The following CRADD variants were observed in gnomAD, a reference collection of about 807,000 sequenced individuals.
CRADD encodes the protein CARD and death domain containing adaptor protein, also known as death domain-containing protein CRADD.
In CRADD, 9 loss-of-function variants were observed where a neutral mutation model predicts 15.5. The ratio of observed to expected loss-of-function variants is 0.58; its 90% CI spans 0.35 to 1.01. CRADD has a LOEUF of 1.01. CRADD is among the 50% of genes least tolerant of loss of function. CRADD has a pLI of 0.02. For missense variants in CRADD, 227 were observed against 250.3 expected (o/e 0.91, Z 0.63); for synonymous variants, 118 against 107.6 (o/e 1.10, Z -0.60).
intron 2 of CRADD, chr12:93,893,910 A>G: frequency 1.6e-6 from 1 of 624,248 alleles, no homozygotes; most frequent in South Asian, 1.9e-5. Context: ...AAAAAAGAAA[A>G]AAAAAAAAAT....
chr12:93,722,417 G>C (rs1166279302), intron 2 of CRADD, among the ~76,000 whole-genome samples: 1 of 151,682 alleles, frequency 6.6e-6, no homozygotes, highest in Non-Finnish European at 1.5e-5. Flanking sequence ...AGCCTATATT[G>C]TTTCGTATAT....
intron 2 of CRADD, among the ~76,000 whole-genome samples, chr12:93,801,313 A>G (rs895785359): frequency 3.9e-5 from 6 of 152,214 alleles, no homozygotes; most frequent in Non-Finnish European, 8.8e-5. Flanking sequence ...TTCTGCATTT[A>G]TTAGCTGGTA....
chr12:93,706,104 TG>T (rs1252510112), intron 2 of CRADD, among the ~76,000 whole-genome samples: 1 of 152,256 alleles, frequency 6.6e-6, no homozygotes, highest in Non-Finnish European at 1.5e-5. Flanking sequence ...GTTGACATTT[TG>T]GTTTCTTTTG....
At chr12:93,696,423 A>G (rs1955708527) in intron 2 of CRADD, among the ~76,000 whole-genome samples, 1 of 152,264 alleles carries the variant, frequency 6.6e-6, no homozygotes, top group Non-Finnish European at 1.5e-5. Context: ...AAATACCGTC[A>G]TTTGTGACAA....
intron 2 of CRADD, chr12:93,738,255 GA>G: frequency 1.6e-6 from 1 of 640,296 alleles, no homozygotes; most frequent in Non-Finnish European, 2.8e-6. Flanking sequence ...CTGGAGAAGA[GA>G]AGGGCCAAAA....
chr12:93,798,984 G>A (rs915357042), intron 2 of CRADD, among the ~76,000 whole-genome samples: 2 of 152,080 alleles, frequency 1.3e-5, no homozygotes, highest in African/African-American at 2.4e-5. Flanking sequence ...GTGGAAGAGG[G>A]AGGGACTCCC....
chr12:93,709,672 G>A (rs1398500881), intron 2 of CRADD, among the ~76,000 whole-genome samples: 2 of 152,134 alleles, frequency 1.3e-5, no homozygotes, highest in African/African-American at 2.4e-5. Flanking sequence ...ATTGATGGGC[G>A]TTTAAGTTGA....
chr12:93,836,280 T>A (rs1957972228), intron 2 of CRADD: 1 of 152,220 alleles, frequency 6.6e-6, no homozygotes, highest in East Asian at 1.9e-4. Flanking sequence ...GGTGAATAAT[T>A]GATAGAGCTT....
At chr12:93,771,238 CA>C (rs1487613236) in intron 2 of CRADD, among the ~76,000 whole-genome samples, 1 of 152,210 alleles carries the variant, frequency 6.6e-6, no homozygotes, top group Non-Finnish European at 1.5e-5. Flanking sequence ...ATTTCTGGAA[CA>C]TACAGCTTGC....
At chr12:93,694,165 A>C (rs904295186) in intron 2 of CRADD, among the ~76,000 whole-genome samples, 1 of 152,188 alleles carries the variant, frequency 6.6e-6, no homozygotes, top group Admixed American at 6.5e-5. Context: ...ATGGTTTAAC[A>C]TACACAAATC....
At chr12:93,844,851 G>A (rs1348027104) in intron 2 of CRADD, among the ~76,000 whole-genome samples, 1 of 152,118 alleles carries the variant, frequency 6.6e-6, no homozygotes, top group African/African-American at 2.4e-5. Flanking sequence ...GCACCCCACC[G>A]TAGCCCCTCA....
chr12:93,713,072 T>A (rs1333702532), intron 2 of CRADD, among the ~76,000 whole-genome samples: 2 of 152,144 alleles, frequency 1.3e-5, no homozygotes, highest in African/African-American at 4.8e-5. Flanking sequence ...TCGTTTTTTT[T>A]TAAAGCCATT....
intron 2 of CRADD, among the ~76,000 whole-genome samples, chr12:93,779,441 A>G (rs1431816885): frequency 6.6e-6 from 1 of 152,160 alleles, no homozygotes; most frequent in Admixed American, 6.5e-5. Flanking sequence ...GGAAAAAAAC[A>G]TAGATTTTTC....
At chr12:93,814,449 A>G (rs781530153) in intron 2 of CRADD, among the ~76,000 whole-genome samples, 3 of 152,170 alleles carry the variant, frequency 2.0e-5, no homozygotes, top group Non-Finnish European at 4.4e-5. Context: ...ATCCAGCCCG[A>G]TTGTAATTTA....
chr12:93,821,350 C>A (rs1000359648), intron 2 of CRADD, among the ~76,000 whole-genome samples: 5 of 152,208 alleles, frequency 3.3e-5, no homozygotes, highest in African/African-American at 1.2e-4. Flanking sequence ...CGTTCAACCT[C>A]TTCATTTTAC....
At chr12:93,732,408 C>A (rs1038896566) in intron 2 of CRADD, among the ~76,000 whole-genome samples, 4 of 152,152 alleles carry the variant, frequency 2.6e-5, no homozygotes, top group African/African-American at 9.7e-5. Context: ...ATTGAAAACA[C>A]TGGTTGCAGA....
At chr12:93,892,660 G>C (rs1016329732) in intron 2 of CRADD, among the ~76,000 whole-genome samples, 1 of 152,092 alleles carries the variant, frequency 6.6e-6, no homozygotes, top group African/African-American at 2.4e-5. Context: ...TGGAAGGGGG[G>C]CCCTTGCTGT....
intron 2 of CRADD, among the ~76,000 whole-genome samples, chr12:93,797,698 TG>T (rs1169991461): frequency 2.0e-5 from 3 of 152,200 alleles, no homozygotes; most frequent in Non-Finnish European, 1.5e-5. Flanking sequence ...TATGTGTGCT[TG>T]GTATGTTTAT....
intron 2 of CRADD, among the ~76,000 whole-genome samples, chr12:93,802,105 T>A (rs892055245): frequency 6.6e-5 from 10 of 152,252 alleles, no homozygotes; most frequent in African/African-American, 2.4e-4. Flanking sequence ...TGATGGCCAC[T>A]TAGGCTGGTT....
Sources: allele counts gnomAD v4.1 joint callset (sites outside exome capture counted in the v4.1 genomes callset), GRCh38; gene constraint gnomAD v4.1.1; transcripts MANE v1.5; gene names NCBI Gene and HGNC (gene_info 2026-07-23, HGNC 2026-07-21).